SRSF1: variants seen among roughly 807,000 people sequenced by gnomAD.
SRSF1 encodes the protein serine and arginine rich splicing factor 1.
Under a neutral mutation model 25.9 loss-of-function variants are expected in SRSF1, and 1 was observed. The observed-to-expected ratio is 0.04, with a 90% confidence interval of 0.01 to 0.18. The LOEUF is 0.18. Ranked by LOEUF, SRSF1 falls within the 10% of genes least tolerant of loss-of-function variation. The pLI is 1.00. For synonymous variants in SRSF1, 132 were observed against 126.2 expected (o/e 1.05, Z -0.31); for missense variants, 65 against 350.5 (o/e 0.19, Z 6.50).
At chr17:57,999,600 C>T (rs1018869632), downstream of SRSF1, among the ~76,000 whole-genome samples, 1 of 152,146 alleles carries the variant, frequency 6.6e-6, no homozygotes, top group African/African-American at 2.4e-5. Context: ...TACAGAGGAT[C>T]AAGGTAGTTA....
At chr17:57,994,606 A>C in the SRSF1 span, 3 of 152,192 alleles carry the variant, frequency 2.0e-5, no homozygotes, top group African/African-American at 7.2e-5. Context: ...AGTACTCGAT[A>C]TATCAAATGG....
chr17:58,006,737 T>C, intron 1 of SRSF1: 1 of 876,022 alleles, frequency 1.1e-6, no homozygotes, highest in Non-Finnish European at 1.7e-6. Flanking sequence ...CGCTCCAGCC[T>C]GCGAATGGGC....
chr17:58,000,689 T>C (rs557895378), downstream of SRSF1, among the ~76,000 whole-genome samples: 8 of 152,178 alleles, frequency 5.3e-5, no homozygotes, highest in Non-Finnish European at 1.2e-4. Flanking sequence ...ACACCCCAGT[T>C]ACAGACAAAA....
chr17:57,991,076 C>T, the SRSF1 span: 1 of 152,188 alleles, frequency 6.6e-6, no homozygotes, highest in Non-Finnish European at 1.5e-5. Flanking sequence ...GAACTCTGCA[C>T]ATAAGCTCTG....
chr17:58,001,674 T>C lies in SRSF1; in HGVS notation c.*3732A>G, dbSNP rs2143463917. 6.6e-6 allele frequency among the ~76,000 whole-genome samples: 1 copy of C among 152,318 alleles called. No homozygotes were observed. ...GGGGGAAATTCCAAGACAGCTTTTGTAGTTTCAAAAGGGTGTAACTTTCTT... is the reference window on the plus strand; with the variant it reads ...GGGGGAAATTCCAAGACAGCTTTTGCAGTTTCAAAAGGGTGTAACTTTCTT... On this transcript the variant is annotated 3_prime_UTR_variant, in exon 4 of 4. Transcript: ENST00000258962.
intron 2 of SRSF1, 123 bp from the exon 3 acceptor site, chr17:58,006,096 TAAAG>T (rs1351055496): frequency 2.0e-6 from 2 of 1,024,130 alleles, no homozygotes; most frequent in African/African-American, 1.6e-5. Context: ...TGATACCAGG[TAAAG>T]AGAGCTGGTA....
At chr17:57,995,088 T>C in the SRSF1 span, among the ~76,000 whole-genome samples, 1 of 152,238 alleles carries the variant, frequency 6.6e-6, no homozygotes, top group South Asian at 2.1e-4. Flanking sequence ...GATTACCAAC[T>C]AGGGTTGCTG....
chr17:57,998,450 C>A (rs978943698), downstream of SRSF1, among the ~76,000 whole-genome samples: 3 of 152,158 alleles, frequency 2.0e-5, no homozygotes, highest in Non-Finnish European at 4.4e-5. Flanking sequence ...CCTGAGGGAA[C>A]AATTCTACCA....
At chr17:58,006,784 C>T in intron 1 of SRSF1, 160 bp downstream of exon 1, 2 of 988,338 alleles carry the variant, frequency 2.0e-6, no homozygotes, top group South Asian at 1.6e-5. Flanking sequence ...AGAGAAGCCA[C>T]ATCAACTCAG....
rs1298494239 is a variant in SRSF1 at position 58,001,985 on chromosome 17, T to G, written c.*3421A>C. Among the ~76,000 whole-genome samples the G allele has an allele frequency of 1.3e-5, 2 of 152,214 alleles. No individual in the cohort carries two copies. Among genetic ancestry groups the G allele is most frequent in the Non-Finnish European group, 2.9e-5 (2 of 68,022 alleles). On this transcript the variant is annotated 3_prime_UTR_variant, in exon 4 of 4. Transcript: ENST00000258962. The stretch of plus-strand genomic sequence containing the variant: ...AACTTGAGTGAAGGCCATTTACATT[T>G]TTTGGTCATTTCCAAAACATTCAAT...
chr17:57,989,278 A>G, the SRSF1 span: 13 of 398,548 alleles, frequency 3.3e-5, no homozygotes, highest in African/African-American at 2.7e-4. Flanking sequence ...TACTGGGAAT[A>G]TCAGAGACAA....
Position 58,007,182 on chromosome 17 carries a change from A to C in SRSF1, c.-45T>G. The C allele has an allele frequency of 1.2e-6, 2 of 1,606,374 alleles. No individual in the cohort carries two copies. Among genetic ancestry groups the C allele is most frequent in the Non-Finnish European group, 1.7e-6 (2 of 1,175,962 alleles). On this transcript the variant is annotated 5_prime_UTR_variant, in exon 1 of 4. Coordinates refer to ENST00000258962, the MANE Select transcript of SRSF1 (RefSeq NM_006924.5). Reference sequence around the variant, plus strand: ...GACTCGAGAACAGGCCTTCCCACCAAGCCTAGCGCACGGCAGAGCGAGCCC... The same window carrying C: ...GACTCGAGAACAGGCCTTCCCACCACGCCTAGCGCACGGCAGAGCGAGCCC...
At position 58,001,409 on chromosome 17, in the gene SRSF1, T is replaced by TA. The variant is rs2075389290; in HGVS notation, c.*3996dup. The stretch of plus-strand genomic sequence containing the variant: ...TCTATTCATATTCCAAACAGCATTT[T>TA]AAAAAACATTAAACTTAGCTTAGTT... On this transcript the variant is annotated 3_prime_UTR_variant, in exon 4 of 4. Coordinates refer to ENST00000258962, the MANE Select transcript of SRSF1 (RefSeq NM_006924.5). Among the ~76,000 whole-genome samples, 1 of 152,180 alleles carries TA rather than the reference T, an allele frequency of 6.6e-6. No individual in the cohort carries two copies. Among genetic ancestry groups the TA allele is most frequent in the South Asian group, 2.1e-4 (1 of 4,838 alleles).
chr17:57,995,251 A>C, the SRSF1 span, among the ~76,000 whole-genome samples: 10 of 152,348 alleles, frequency 6.6e-5, no homozygotes, highest in East Asian at 1.9e-3. Context: ...ATACAAATTT[A>C]AGTGTATACT....
At chr17:58,006,110 A>G (rs916015101) in intron 2 of SRSF1, 137 bp from the exon 3 acceptor site, 27 of 991,426 alleles carry the variant, frequency 2.7e-5, no homozygotes, top group Non-Finnish European at 2.3e-5. Flanking sequence ...GAGAGCTGGT[A>G]AGATTCTGGA....
downstream of SRSF1, among the ~76,000 whole-genome samples, chr17:57,999,295 T>C (rs1041787735): frequency 6.6e-6 from 1 of 152,218 alleles, no homozygotes; most frequent in African/African-American, 2.4e-5. Context: ...CATAACCAAA[T>C]TGTTATGTCT....
rs2075403438 is a variant in SRSF1 at position 58,003,080 on chromosome 17, G to A, written c.*2326C>T. ...TTTAATACTTACCTTTTTTTGAGAT[G>A]AGTTTCATTGAGAATATCAAAAGCT... On this transcript the variant is annotated 3_prime_UTR_variant, in exon 4 of 4. Coordinates refer to ENST00000258962, the MANE Select transcript of SRSF1 (RefSeq NM_006924.5). Among the ~76,000 whole-genome samples the A allele has an allele frequency of 6.6e-6, 1 of 151,944 alleles. No homozygotes were observed.
chr17:57,989,688 T>C, the SRSF1 span: 2 of 398,560 alleles, frequency 5.0e-6, no homozygotes, highest in African/African-American at 4.1e-5. Context: ...TGGTTCCTTT[T>C]AGAGCTGATT....
the SRSF1 span, chr17:57,992,602 G>A: frequency 6.6e-6 from 1 of 152,290 alleles, no homozygotes; most frequent in Non-Finnish European, 1.5e-5. Flanking sequence ...AGTTAAGAGG[G>A]ATAACACTAA....
Sources: gnomAD v4.1 joint callset for allele counts (sites outside exome capture counted in the v4.1 genomes callset) on GRCh38, gnomAD v4.1.1 for gene constraint, MANE v1.5 for transcripts, NCBI Gene and HGNC (gene_info 2026-07-23, HGNC 2026-07-21) for gene names.